The following C7 variants were observed in gnomAD, a reference collection of about 807,000 sequenced individuals.
The protein encoded by C7 is complement C7.
C7 carries 83 observed loss-of-function variants against 104.8 expected under a neutral mutation model. That is an observed-to-expected ratio of 0.79 (90% CI 0.66 to 0.95). The LOEUF is 0.95. Ranked by LOEUF, C7 falls within the 40% of genes least tolerant of loss-of-function variation. C7 has a pLI of 0.00. For synonymous variants in C7, 415 were observed against 360.6 expected, an observed-to-expected ratio of 1.15 and a Z score of -1.71; for missense variants, 1,070 against 1,011.2, an observed-to-expected ratio of 1.06 and a Z score of -0.79.
intron 16 of C7, among the ~76,000 whole-genome samples, chr5:40,978,367 A>C (rs1740865380): frequency 6.6e-6 from 1 of 152,074 alleles, no homozygotes; most frequent in African/African-American, 2.4e-5. Flanking sequence ...CTAATCTTTA[A>C]TAATTATTGT....
Position 40,937,605 on chromosome 5 carries a change from T to G in C7, c.482T>G (p.Phe161Cys). Reference protein sequence around the residue: ...FRNRVINTKSFGGQCRKVFSG... With the variant: ...FRNRVINTKSCGGQCRKVFSG... ...AACAGAGTCATCAATACCAAAAGTT[T>G]TGGTGGTCAATGTAGAAAGGTGTTT... The change falls in exon 6 of 18, where the codon TTT (phenylalanine) becomes TGT (cysteine). Residue 161 changes from phenylalanine (F) to cysteine (C), a missense_variant. Coordinates refer to ENST00000313164, the MANE Select transcript of C7 (RefSeq NM_000587.4). 6.2e-7 allele frequency: 1 copy of G among 1,612,828 alleles called. No individual in the cohort carries two copies. Among genetic ancestry groups the G allele is most frequent in the Non-Finnish European group, 8.5e-7 (1 of 1,179,218 alleles).
intron 5 of C7, among the ~76,000 whole-genome samples, chr5:40,936,804 GA>G (rs1739827313): frequency 6.6e-6 from 1 of 152,008 alleles, no homozygotes; most frequent in African/African-American, 2.4e-5. Context: ...GAGGGAGAGA[GA>G]GAGAAAAAAT....
At chr5:40,910,806 CA>C (rs569169059) in intron 1 of C7, among the ~76,000 whole-genome samples, 5,762 of 128,422 alleles carry the variant, frequency 0.045, 412 homozygotes, top group African/African-American at 0.16. Context: ...AAAAAAAAAA[CA>C]AAAAAAAAAC....
chr5:40,979,852 C>G lies in C7; in HGVS notation c.2293C>G (p.Leu765Val). The change falls in exon 17 of 18, where the codon CTG becomes GTG. Residue 765 changes from leucine to valine, a missense_variant. By Grantham distance (32) the Leu-to-Val change is conservative. Coordinates refer to ENST00000313164, the MANE Select transcript of C7 (RefSeq NM_000587.4). ...CCTTACTGGTAGGGACAGCTGTACT[C>G]TGCCTGCCTCAGCTGAGAAAGCTTG... is the stretch of plus-strand genomic sequence containing the variant. Reference protein sequence around the residue: ...YTLTGRDSCTLPASAEKACGA... With the variant: ...YTLTGRDSCTVPASAEKACGA... The G allele has an allele frequency of 6.2e-7, 1 of 1,610,420 alleles. No homozygotes were observed. Among genetic ancestry groups the G allele is most frequent in the Non-Finnish European group, 8.5e-7 (1 of 1,177,952 alleles).
chr5:40,949,812 G>A, intron 8 of C7, 92 bp from the exon 9 acceptor site: 1 of 762,486 alleles, frequency 1.3e-6, no homozygotes, highest in Non-Finnish European at 2.3e-6. Context: ...GGCCATAGTA[G>A]CAGCAAACAA....
chr5:40,959,381 G>A (rs1201404228), intron 11 of C7, 68 bp from the exon 12 acceptor site: 5 of 1,382,126 alleles, frequency 3.6e-6, no homozygotes, highest in Admixed American at 2.3e-5. Flanking sequence ...TTGTTAGCAG[G>A]AAGCATAGCA....
chr5:40,913,034 G>A (rs1374863039), intron 1 of C7, among the ~76,000 whole-genome samples: 5 of 152,088 alleles, frequency 3.3e-5, no homozygotes, highest in African/African-American at 1.2e-4. Context: ...GCTCCTACTT[G>A]TAAGTGAGAA....
intron 15 of C7, among the ~76,000 whole-genome samples, chr5:40,975,590 C>G (rs969612903): frequency 6.6e-6 from 1 of 152,112 alleles, no homozygotes; most frequent in African/African-American, 2.4e-5. Context: ...TCGTGAACTC[C>G]TGACCTCAAG....
At chr5:40,914,893 GTTTGGCAGGACACGGA>G (rs985748980) in intron 1 of C7, among the ~76,000 whole-genome samples, 14 of 152,160 alleles carry the variant, frequency 9.2e-5, no homozygotes, top group African/African-American at 3.4e-4. Context: ...GACATTCAGA[GTTTGGCAGGACACGGA>G]TGTGTGCAGG....
intron 6 of C7, among the ~76,000 whole-genome samples, chr5:40,940,281 T>C (rs1375681362): frequency 6.6e-6 from 1 of 152,228 alleles, no homozygotes; most frequent in African/African-American, 2.4e-5. Flanking sequence ...TCGAGTAAGC[T>C]ACTTAACTTT....
intron 13 of C7, among the ~76,000 whole-genome samples, chr5:40,962,612 T>C (rs1163211697): frequency 6.6e-6 from 1 of 152,032 alleles, no homozygotes; most frequent in African/African-American, 2.4e-5. Context: ...TTAGCTAGAG[T>C]CTAGTGAGAT....
chr5:40,929,625 G>C (rs935469415), intron 2 of C7, among the ~76,000 whole-genome samples: 1 of 152,122 alleles, frequency 6.6e-6, no homozygotes, highest in African/African-American at 2.4e-5. Flanking sequence ...AGGAATACTA[G>C]TTCTTTTATT....
At position 40,974,387 on chromosome 5, in the gene C7, GT is replaced by G. The variant is rs34725318; in HGVS notation, c.2074+1806del. Among the ~76,000 whole-genome samples, 337 of 138,110 alleles carry G rather than the reference GT, an allele frequency of 2.4e-3. 3 individuals carry two copies. The highest frequency in any genetic ancestry group is 5.6e-3 in the African/African-American group (209 of 37,446). The allele number at this position is 138,110 out of a possible 152,430, so 90.6% of individuals were successfully genotyped here. ...ATTCTTTGGGCTAGGTAATTCTATCGTTTTTTTTTTTTTCCACAAAGACATT... is the reference window on the plus strand; with the variant it reads ...ATTCTTTGGGCTAGGTAATTCTATCGTTTTTTTTTTTTCCACAAAGACATT... On this transcript the variant is annotated intron_variant, in intron 15 of 17. Coordinates refer to ENST00000313164, the MANE Select transcript of C7 (RefSeq NM_000587.4).
intron 6 of C7, among the ~76,000 whole-genome samples, chr5:40,944,506 T>C (rs929681012): frequency 6.6e-6 from 1 of 152,340 alleles, no homozygotes; most frequent in Admixed American, 6.5e-5. Context: ...GTTTCCAACA[T>C]TGACATTACT....
intron 14 of C7, among the ~76,000 whole-genome samples, chr5:40,968,509 A>G (rs574061537): frequency 6.9e-6 from 1 of 144,492 alleles, no homozygotes; most frequent in Non-Finnish European, 1.5e-5. Flanking sequence ...TAAGAACTCT[A>G]TTATAGAGTT....
intron 7 of C7, 29 bp from the exon 8 acceptor site, chr5:40,947,573 A>C (rs948536427): frequency 3.1e-6 from 5 of 1,609,818 alleles, no homozygotes; most frequent in Non-Finnish European, 4.2e-6. Context: ...TCCACCTAAA[A>C]CTCCTTGTAC....
At chr5:40,923,647 G>A (rs1462140583) in intron 1 of C7, among the ~76,000 whole-genome samples, 1 of 152,076 alleles carries the variant, frequency 6.6e-6, no homozygotes, top group East Asian at 1.9e-4. Flanking sequence ...TCAGGAGGCT[G>A]AGGCAGGAGA....
intron 1 of C7, among the ~76,000 whole-genome samples, chr5:40,910,431 T>A (rs1304884029): frequency 3.9e-5 from 6 of 152,148 alleles, no homozygotes; most frequent in African/African-American, 1.4e-4. Flanking sequence ...CACTGTATTG[T>A]CCATTGGGGC....
chr5:40,935,928 G>A (rs577572164), intron 4 of C7, among the ~76,000 whole-genome samples: 6 of 152,098 alleles, frequency 3.9e-5, no homozygotes, highest in African/African-American at 1.2e-4. Flanking sequence ...AAAATTGTCC[G>A]GCTCTTAAAG....
Sources: gnomAD v4.1 joint callset for allele counts (sites outside exome capture counted in the v4.1 genomes callset) on GRCh38, gnomAD v4.1.1 for gene constraint, MANE v1.5 for transcripts, NCBI Gene and HGNC (gene_info 2026-07-23, HGNC 2026-07-21) for gene names.